Variants in CHD9 observed in about 807,000 individuals in gnomAD.
CHD9 encodes the protein ATP-dependent chromatin remodeler CHD9.
A neutral mutation model predicts 316.1 loss-of-function variants in CHD9; 77 were observed. The ratio of observed to expected loss-of-function variants is 0.24; its 90% CI spans 0.20 to 0.29. The LOEUF is 0.29. CHD9 is among the 10% of genes least tolerant of loss of function. The pLI is 1.00. For missense variants in CHD9, 2,763 were observed against 3,438.1 expected (o/e 0.80, Z 4.91); for synonymous variants, 1,129 against 1,158.3 (o/e 0.97, Z 0.51).
In CHD9 at chr16:53,325,801, C is replaced by T. The variant is rs1404096772; in HGVS notation, c.*906C>T. ...ATGAAATGCCACTGAAAAGAACTTT[C>T]AACACAGCATACTTCATGTAAAAGA... On this transcript the variant is annotated 3_prime_UTR_variant, in exon 39 of 39. Transcript: ENST00000447540. The T allele has an allele frequency of 2.0e-5, 3 of 152,288 alleles. No individual in the cohort carries two copies. The highest frequency in any genetic ancestry group is 4.4e-5 in the Non-Finnish European group (3 of 67,980). The allele number at this position is 152,288 out of a possible 1,614,324, so 9.4% of individuals were successfully genotyped here. A position where few individuals can be genotyped will look rare whatever the true frequency, so the allele number is the denominator to read the frequency against.
intron 1 of CHD9, among the ~76,000 whole-genome samples, chr16:53,077,951 G>C (rs1424655363): frequency 6.6e-6 from 1 of 152,166 alleles, no homozygotes; most frequent in Non-Finnish European, 1.5e-5. Flanking sequence ...TTGCTCATCT[G>C]TAGTCCCAGC....
chr16:53,235,664 C>T (rs2048560557), intron 11 of CHD9, among the ~76,000 whole-genome samples: 1 of 152,040 alleles, frequency 6.6e-6, no homozygotes, highest in South Asian at 2.1e-4. Context: ...GCAAGGTATA[C>T]TTATAGGAAT....
At chr16:53,318,111 G>A in intron 36 of CHD9, 101 bp from the exon 37 acceptor site, 1 of 899,858 alleles carries the variant, frequency 1.1e-6, no homozygotes, top group Non-Finnish European at 1.6e-6. Context: ...ATAACCAAAA[G>A]GTAAATGCTA....
At chr16:53,155,072 A>T (rs1387441025) in intron 1 of CHD9, among the ~76,000 whole-genome samples, 1 of 152,136 alleles carries the variant, frequency 6.6e-6, no homozygotes, top group Non-Finnish European at 1.5e-5. Context: ...TCAAAGTTGT[A>T]TTAGATAAAA....
Position 53,251,917 on chromosome 16 carries a change from G to T in CHD9, c.3861+1851G>T, listed in dbSNP as rs185034937. 9.9e-5 allele frequency among the ~76,000 whole-genome samples: 15 copies of T among 152,204 alleles called. No homozygotes were observed. In the East Asian group the frequency reaches 2.9e-3, roughly 29 times the overall value. On this transcript the variant is annotated intron_variant, in intron 17 of 38. Coordinates refer to ENST00000447540, the MANE Select transcript of CHD9 (RefSeq NM_001308319.2). The stretch of plus-strand genomic sequence containing the variant: ...AAATCATAGATGACACAAACAAGTG[G>T]AAATACATCCCATGTTCATGGATGG...
intron 22 of CHD9, among the ~76,000 whole-genome samples, chr16:53,269,463 A>C (rs1329072543): frequency 6.6e-6 from 1 of 152,218 alleles, no homozygotes; most frequent in Non-Finnish European, 1.5e-5. Flanking sequence ...AAGAATGTAC[A>C]TTAGTTATAG....
intron 1 of CHD9, among the ~76,000 whole-genome samples, chr16:53,112,824 A>G (rs2037970198): frequency 6.6e-6 from 1 of 152,090 alleles, no homozygotes; most frequent in Admixed American, 6.6e-5. Context: ...GAGCAGCCTC[A>G]GCAACATGGT....
intron 1 of CHD9, among the ~76,000 whole-genome samples, chr16:53,073,277 T>G (rs923096609): frequency 3.3e-5 from 5 of 152,242 alleles, no homozygotes; most frequent in South Asian, 2.1e-4. Context: ...CGTGATGACC[T>G]CAAGGTTCAT....
chr16:53,305,409 G>C (rs2055871586), intron 31 of CHD9, among the ~76,000 whole-genome samples: 1 of 152,104 alleles, frequency 6.6e-6, no homozygotes, highest in African/African-American at 2.4e-5. Flanking sequence ...AAGCACTATT[G>C]GGAAGAAAAC....
chr16:53,245,999 T>C lies in CHD9; in HGVS notation c.3454+149T>C. ...ACAAGTGTTACAGAATCAGAGGCAA[T>C]GTGAACTGCTTTGTTACAGTGACTG... is the stretch of plus-strand genomic sequence containing the variant. On this transcript the variant is annotated intron_variant, in intron 15 of 38. Coordinates refer to ENST00000447540, the MANE Select transcript of CHD9 (RefSeq NM_001308319.2). The surrounding 1 kb of genome is among the most constrained non-coding windows in gnomAD (Gnocchi z 4.1). The C allele has an allele frequency of 1.8e-6, 1 of 543,578 alleles. No individual in the cohort carries two copies. Among genetic ancestry groups the C allele is most frequent in the Non-Finnish European group, 3.0e-6 (1 of 337,808 alleles). 33.7% of individuals were successfully genotyped at this position (543,578 alleles called of 1,614,324 possible).
intron 1 of CHD9, among the ~76,000 whole-genome samples, chr16:53,065,477 AT>A: frequency 6.6e-6 from 1 of 151,978 alleles, no homozygotes; most frequent in South Asian, 2.1e-4. Flanking sequence ...CTACAAAAAA[AT>A]TTAAAAATGA....
At position 53,248,491 on chromosome 16, in the gene CHD9, TTTTG is replaced by T. The variant is rs2049843429; in HGVS notation, c.3665+996_3665+999del. Among the ~76,000 whole-genome samples the T allele has an allele frequency of 2.6e-5, 4 of 151,264 alleles. No homozygotes were observed. The South Asian group carries it at 8.3e-4, about 31-fold the overall frequency. ...GCTATAGATTTTTTATTTTATTTTTTTTTGTTTGTTTTTGCTTTGTTGGTTTTTT... is the reference window on the plus strand; with the variant it reads ...GCTATAGATTTTTTATTTTATTTTTTTTTGTTTTTGCTTTGTTGGTTTTTT... On this transcript the variant is annotated intron_variant, in intron 16 of 38. Coordinates refer to ENST00000447540, the MANE Select transcript of CHD9 (RefSeq NM_001308319.2).
intron 2 of CHD9, among the ~76,000 whole-genome samples, chr16:53,183,333 T>C (rs1286013264): frequency 6.6e-6 from 1 of 152,200 alleles, no homozygotes; most frequent in African/African-American, 2.4e-5. Flanking sequence ...GATATTGTCT[T>C]ATTTTTCATT....
intron 22 of CHD9, among the ~76,000 whole-genome samples, chr16:53,273,247 C>A (rs2052464975): frequency 6.6e-6 from 1 of 152,132 alleles, no homozygotes; most frequent in African/African-American, 2.4e-5. Flanking sequence ...CTAACCTAAT[C>A]TATCTAAATC....
chr16:53,181,531 A>T (rs1369472427), intron 2 of CHD9, among the ~76,000 whole-genome samples: 1 of 152,188 alleles, frequency 6.6e-6, no homozygotes, highest in Non-Finnish European at 1.5e-5. Flanking sequence ...TAAATGTCAG[A>T]AAAGGTTAAA....
intron 1 of CHD9, among the ~76,000 whole-genome samples, chr16:53,116,804 G>A (rs1277835951): frequency 1.3e-5 from 2 of 152,114 alleles, no homozygotes; most frequent in African/African-American, 4.8e-5. Flanking sequence ...ATTCACAATA[G>A]CAAAGACATG....
chr16:53,291,688 A>G, intron 27 of CHD9, 37 bp from the exon 28 acceptor site: 1 of 1,459,588 alleles, frequency 6.9e-7, no homozygotes, highest in Non-Finnish European at 9.3e-7. Flanking sequence ...CTCTTGACCC[A>G]ATTACCCTGT....
intron 1 of CHD9, among the ~76,000 whole-genome samples, chr16:53,140,410 C>CT (rs1179920007): frequency 7.9e-6 from 1 of 127,198 alleles, no homozygotes; most frequent in African/African-American, 3.1e-5. Flanking sequence ...GAGCACAACT[C>CT]TGTCTCAAAA....
At chr16:53,211,667 G>A (rs577328923) in intron 3 of CHD9, among the ~76,000 whole-genome samples, 2 of 152,132 alleles carry the variant, frequency 1.3e-5, no homozygotes, top group Non-Finnish European at 2.9e-5. Flanking sequence ...TTTATAAGTC[G>A]CAGGCAGATA....
Sources: allele counts gnomAD v4.1 joint callset (sites outside exome capture counted in the v4.1 genomes callset), GRCh38; gene constraint gnomAD v4.1.1; non-coding constraint Gnocchi (gnomAD v3.1); transcripts MANE v1.5; gene names NCBI Gene and HGNC (gene_info 2026-07-23, HGNC 2026-07-21).